Variants in RARB observed in about 807,000 individuals in gnomAD.
RARB encodes the protein retinoic acid receptor beta.
RARB carries 17 observed loss-of-function variants against 51.9 expected under a neutral mutation model. The ratio of observed to expected loss-of-function variants is 0.33; its 90% CI spans 0.22 to 0.49. The LOEUF (loss-of-function observed/expected upper bound fraction) is 0.49. Among genes scored for constraint, RARB ranks in the 20% least tolerant of loss-of-function variants. The pLI is 0.99. For synonymous variants in RARB, 215 were observed against 195.4 expected (o/e 1.10, Z -0.84); for missense variants, 369 against 550.8 (o/e 0.67, Z 3.30).
intron 5 of RARB, among the ~76,000 whole-genome samples, chr3:25,218,765 A>G (rs555045061): frequency 1.3e-5 from 2 of 152,324 alleles, no homozygotes; most frequent in African/African-American, 4.8e-5. Context: ...AGAGAGTTCT[A>G]TTCCCATTTC....
At chr3:25,505,218 T>A (rs563291662) in intron 3 of RARB, among the ~76,000 whole-genome samples, 1 of 152,338 alleles carries the variant, frequency 6.6e-6, no homozygotes, top group African/African-American at 2.4e-5. Flanking sequence ...ATTAATTTAC[T>A]CAAGGTAACA....
At chr3:25,539,921 G>A (rs1035582978) in intron 3 of RARB, among the ~76,000 whole-genome samples, 3 of 151,902 alleles carry the variant, frequency 2.0e-5, no homozygotes, top group African/African-American at 7.3e-5. Context: ...TTTCAACCAA[G>A]TGTGGATCAA....
chr3:24,914,591 G>A (rs1228682168), intron 2 of RARB, among the ~76,000 whole-genome samples: 1 of 152,086 alleles, frequency 6.6e-6, no homozygotes, highest in African/African-American at 2.4e-5. Flanking sequence ...AAATGCTGTA[G>A]TATTTGCATA....
At chr3:25,061,125 T>G (rs1302396068) in intron 3 of RARB, among the ~76,000 whole-genome samples, 1 of 151,890 alleles carries the variant, frequency 6.6e-6, no homozygotes, top group Non-Finnish European at 1.5e-5. Context: ...CCTGGAACTT[T>G]TGCAATGAAG....
At chr3:25,395,302 C>G (rs1038223070) in intron 5 of RARB, among the ~76,000 whole-genome samples, 7 of 152,184 alleles carry the variant, frequency 4.6e-5, no homozygotes, top group Non-Finnish European at 1.0e-4. Context: ...CACAAGTTAC[C>G]TGACGCTTTT....
chr3:24,839,023 C>T (rs1465384640), intron 1 of RARB, among the ~76,000 whole-genome samples: 2 of 150,702 alleles, frequency 1.3e-5, no homozygotes, highest in Non-Finnish European at 3.0e-5. Flanking sequence ...TGTGGGCTGC[C>T]GGTTAGCAAT....
intron 2 of RARB, among the ~76,000 whole-genome samples, chr3:24,909,206 T>C (rs1432847118): frequency 6.6e-6 from 1 of 152,224 alleles, no homozygotes; most frequent in Non-Finnish European, 1.5e-5. Flanking sequence ...TGTTATACTC[T>C]GTTCTCTATT....
intron 3 of RARB, among the ~76,000 whole-genome samples, chr3:25,070,069 G>A (rs1698738748): frequency 1.3e-5 from 2 of 152,256 alleles, no homozygotes; most frequent in African/African-American, 2.4e-5. Flanking sequence ...ATCCTTCCTT[G>A]GCTCTTCCTA....
chr3:25,076,832 A>G (rs915363613), intron 3 of RARB, among the ~76,000 whole-genome samples: 5 of 152,336 alleles, frequency 3.3e-5, no homozygotes, highest in Admixed American at 6.5e-5. Flanking sequence ...GAGATCCTCA[A>G]TCCTTCAAGA....
intron 5 of RARB, among the ~76,000 whole-genome samples, chr3:25,350,236 C>A (rs181266832): frequency 2.6e-5 from 4 of 152,284 alleles, no homozygotes; most frequent in Admixed American, 2.6e-4. Flanking sequence ...AAGTGTGGGT[C>A]TTTGGAGCCC....
chr3:25,565,373 C>A (rs1700451806), intron 3 of RARB, among the ~76,000 whole-genome samples: 1 of 152,112 alleles, frequency 6.6e-6, no homozygotes, highest in East Asian at 1.9e-4. Flanking sequence ...TGAACACTTT[C>A]AGTATTGTGG....
chr3:25,294,120 A>G (rs750375675), intron 5 of RARB, among the ~76,000 whole-genome samples: 32 of 152,234 alleles, frequency 2.1e-4, no homozygotes, highest in Non-Finnish European at 3.7e-4. Context: ...TAAGAATTCC[A>G]TGAACAAGTC....
At chr3:25,028,061 G>A (rs977362993) in intron 2 of RARB, among the ~76,000 whole-genome samples, 4 of 151,916 alleles carry the variant, frequency 2.6e-5, no homozygotes, top group Admixed American at 6.6e-5. Context: ...CATTGTTATC[G>A]GAGACATAAG....
chr3:25,219,993 T>A (rs2125383906), intron 5 of RARB, among the ~76,000 whole-genome samples: 1 of 152,342 alleles, frequency 6.6e-6, no homozygotes, highest in East Asian at 1.9e-4. Context: ...ATGAGTTTAA[T>A]TCCTTTTGTT....
chr3:25,313,334 A>C (rs1704337186), intron 5 of RARB, among the ~76,000 whole-genome samples: 1 of 152,220 alleles, frequency 6.6e-6, no homozygotes, highest in African/African-American at 2.4e-5. Flanking sequence ...ATCTACATCA[A>C]GTTTCTAGGG....
At chr3:25,240,046 G>GTT (rs369953954) in intron 5 of RARB, among the ~76,000 whole-genome samples, 48 of 139,194 alleles carry the variant, frequency 3.4e-4, no homozygotes, top group African/African-American at 1.2e-3. Flanking sequence ...GTGTTTGTTT[G>GTT]TTTTTTTTTT....
At chr3:24,926,443 A>G (rs1695323526) in intron 2 of RARB, among the ~76,000 whole-genome samples, 1 of 152,090 alleles carries the variant, frequency 6.6e-6, no homozygotes. Flanking sequence ...TTGAAGAGAG[A>G]TTGTTGACCC....
intron 3 of RARB, among the ~76,000 whole-genome samples, chr3:25,092,202 T>C (rs916334708): frequency 2.1e-4 from 32 of 152,154 alleles, no homozygotes; most frequent in African/African-American, 7.5e-4. Context: ...ACAAAATCTT[T>C]CCCATCCGTT....
chr3:24,912,229 A>G (rs758136706), intron 2 of RARB, among the ~76,000 whole-genome samples: 34 of 152,198 alleles, frequency 2.2e-4, no homozygotes, highest in Non-Finnish European at 2.8e-4. Flanking sequence ...TTTTGTTGGC[A>G]TCAGGCATAC....
Sources: allele counts gnomAD v4.1 joint callset (sites outside exome capture counted in the v4.1 genomes callset), GRCh38; gene constraint gnomAD v4.1.1; transcripts MANE v1.5; gene names NCBI Gene and HGNC (gene_info 2026-07-23, HGNC 2026-07-21).